The following PPA1 variants were observed in gnomAD, a reference collection of about 807,000 sequenced individuals.
The protein encoded by PPA1 is inorganic pyrophosphatase.
Under a neutral mutation model 41.8 loss-of-function variants are expected in PPA1, and 23 were observed. That is an observed-to-expected ratio of 0.55 (90% CI 0.40 to 0.78). The LOEUF (loss-of-function observed/expected upper bound fraction) is 0.78. PPA1 is among the 30% of genes least tolerant of loss of function. The pLI is 0.00. For synonymous variants in PPA1, 101 were observed against 116.8 expected, an observed-to-expected ratio of 0.86 and a Z score of 0.87; for missense variants, 320 against 361.6, an observed-to-expected ratio of 0.89 and a Z score of 0.93.
Position 70,209,196 on chromosome 10 carries a change from T to C in PPA1, c.725+9A>G, listed in dbSNP as rs751614329. 6.4e-7 allele frequency: 1 copy of C among 1,566,094 alleles called. No homozygotes were observed. Among genetic ancestry groups the C allele is most frequent in the Non-Finnish European group, 8.8e-7 (1 of 1,136,954 alleles). On this transcript the variant is annotated intron_variant, in intron 8 of 10. Transcript: ENST00000373232. The stretch of plus-strand genomic sequence containing the variant: ...TTGTGTGTTAAACATGCAAAGTGTT[T>C]ACACTTACCAACTGATTCCTTTTCC...
At chr10:70,214,037 G>C (rs1244790419) in intron 5 of PPA1, among the ~76,000 whole-genome samples, 4 of 152,190 alleles carry the variant, frequency 2.6e-5, no homozygotes, top group Non-Finnish European at 5.9e-5. Context: ...GCACCTGAGA[G>C]AGACATAAAG....
chr10:70,224,761 G>A (rs1236719845), intron 2 of PPA1, among the ~76,000 whole-genome samples: 2 of 151,746 alleles, frequency 1.3e-5, no homozygotes, highest in African/African-American at 2.4e-5. Context: ...ACAGAGTTTC[G>A]CTCTTGTTAC....
intron 6 of PPA1, 161 bp from the exon 7 acceptor site, chr10:70,209,846 G>T: frequency 1.2e-6 from 1 of 827,114 alleles, no homozygotes; most frequent in South Asian, 1.7e-5. Context: ...GGAAGTTCAA[G>T]ATAACATTGG....
At chr10:70,206,163 G>A (rs1373273997) in intron 9 of PPA1, 101 bp downstream of exon 9, 2 of 895,538 alleles carry the variant, frequency 2.2e-6, no homozygotes, top group African/African-American at 3.4e-5. Flanking sequence ...GCATACAAAA[G>A]GCACTCAAGT....
intron 1 of PPA1, among the ~76,000 whole-genome samples, chr10:70,232,517 A>C (rs1840299278): frequency 6.6e-6 from 1 of 152,230 alleles, no homozygotes; most frequent in African/African-American, 2.4e-5. Context: ...CCCTAGGTGC[A>C]GGACCCGGGG....
intron 8 of PPA1, among the ~76,000 whole-genome samples, chr10:70,207,402 C>T (rs982166393): frequency 2.6e-5 from 4 of 152,058 alleles, no homozygotes; most frequent in Admixed American, 1.3e-4. Context: ...CATGGTGGCT[C>T]GCATCTGTAG....
At chr10:70,217,310 G>A (rs1254613015) in intron 4 of PPA1, among the ~76,000 whole-genome samples, 1 of 152,106 alleles carries the variant, frequency 6.6e-6, no homozygotes, top group Admixed American at 6.6e-5. Context: ...GTTGTGTGCA[G>A]GTATTAAGTG....
At chr10:70,233,225 C>T in intron 1 of PPA1, 39 bp downstream of exon 1, 4 of 1,523,596 alleles carry the variant, frequency 2.6e-6, no homozygotes, top group Non-Finnish European at 3.5e-6. Flanking sequence ...AATGAATGGG[C>T]GGACGGGCGC....
rs1004768356 is a variant in PPA1, at chr10:70,233,236, G to T, written c.64+28C>A. On this transcript the variant is annotated intron_variant, in intron 1 of 10. Coordinates refer to ENST00000373232, the MANE Select transcript of PPA1 (RefSeq NM_021129.4). ...CGGGAATGAATGGGCGGACGGGCGC[G>T]GAGGGGCCACGGGCCGCAGACACTC... 3.3e-6 allele frequency: 5 copies of T among 1,528,026 alleles called. No individual in the cohort carries two copies. The African/African-American group carries it at 4.3e-5, about 13-fold the overall frequency. 94.7% of individuals were successfully genotyped at this position (1,528,026 alleles called of 1,614,324 possible).
Position 70,223,479 on chromosome 10 carries a change from C to T in PPA1, c.124-4662G>A, listed in dbSNP as rs187712891. On this transcript the variant is annotated intron_variant, in intron 2 of 10. Coordinates refer to ENST00000373232, the MANE Select transcript of PPA1 (RefSeq NM_021129.4). The stretch of plus-strand genomic sequence containing the variant: ...AAGTGATCCTCCTGCCTATGCATCC[C>T]TAGTAGCTGGGACTACAGGTGCAAG... 2.0e-5 allele frequency among the ~76,000 whole-genome samples: 3 copies of T among 152,272 alleles called. No individual in the cohort carries two copies. The East Asian group carries it at 5.8e-4, about 29-fold the overall frequency.
At chr10:70,215,497 GAC>G (rs570196447) in intron 4 of PPA1, among the ~76,000 whole-genome samples, 4 of 149,998 alleles carry the variant, frequency 2.7e-5, no homozygotes, top group Admixed American at 2.7e-4. Context: ...CTTTTTTTGC[GAC>G]AGAGTCTTGC....
intron 2 of PPA1, among the ~76,000 whole-genome samples, chr10:70,222,355 A>G (rs1324315991): frequency 1.3e-5 from 2 of 149,370 alleles, no homozygotes; most frequent in South Asian, 2.1e-4. Flanking sequence ...AAAAAAAAAA[A>G]AAAAGAAATT....
At chr10:70,204,496 G>C in intron 10 of PPA1, 1 of 177,692 alleles carries the variant, frequency 5.6e-6, no homozygotes, top group Non-Finnish European at 1.2e-5. Context: ...TAGAGGTAGA[G>C]AGTAGAATGG....
intron 2 of PPA1, among the ~76,000 whole-genome samples, chr10:70,224,007 A>C (rs1006002870): frequency 1.3e-5 from 2 of 152,180 alleles, no homozygotes; most frequent in Non-Finnish European, 2.9e-5. Context: ...AAGTCTCCCT[A>C]GAGGGATGAT....
chr10:70,213,547 T>C lies in PPA1; in HGVS notation c.427A>G (p.Ile143Val). 1 of 1,614,024 alleles carries C rather than the reference T, an allele frequency of 6.2e-7. No individual in the cohort carries two copies. Among genetic ancestry groups the C allele is most frequent in the Admixed American group, 1.7e-5 (1 of 60,012 alleles). ...TCCCCTTCGTCAATCATAGCCAATA[T>C]GCCTAGAACTTTCACGCCAATTATT... Reference protein sequence around the residue: ...GEIIGVKVLGILAMIDEGETD... With the variant: ...GEIIGVKVLGVLAMIDEGETD... Residue 143 changes from isoleucine to valine, a missense_variant, in exon 6 of 11, where the codon ATA becomes GTA. By Grantham distance (29) the Ile-to-Val change is conservative (BLOSUM62 3). Transcript: ENST00000373232.
intron 8 of PPA1, among the ~76,000 whole-genome samples, chr10:70,207,615 G>A (rs2136752347): frequency 6.6e-6 from 1 of 152,138 alleles, no homozygotes; most frequent in Middle Eastern, 3.4e-3. Context: ...AGCTATTATA[G>A]TAACACTGCA....
chr10:70,231,848 C>T (rs1840292964), intron 1 of PPA1, among the ~76,000 whole-genome samples: 1 of 152,152 alleles, frequency 6.6e-6, no homozygotes, highest in Non-Finnish European at 1.5e-5. Context: ...ATAACGGCCA[C>T]CAAATATTAA....
intron 6 of PPA1, among the ~76,000 whole-genome samples, 193 bp downstream of exon 6, chr10:70,213,270 T>C (rs894791957): frequency 2.6e-5 from 4 of 152,218 alleles, no homozygotes; most frequent in Non-Finnish European, 5.9e-5. Flanking sequence ...AGATTTTTTC[T>C]TTCCTGGAAT....
At chr10:70,230,219 A>G (rs765709666) in intron 2 of PPA1, 122 bp downstream of exon 2, 13 of 1,176,352 alleles carry the variant, frequency 1.1e-5, no homozygotes, top group Non-Finnish European at 1.5e-5. Flanking sequence ...TAATCAACAG[A>G]CCTTTAGCTC....
Sources: gnomAD v4.1 joint callset for allele counts (sites outside exome capture counted in the v4.1 genomes callset) on GRCh38, gnomAD v4.1.1 for gene constraint, MANE v1.5 for transcripts, NCBI Gene and HGNC (gene_info 2026-07-23, HGNC 2026-07-21) for gene names.